Variants in LRRC4C observed in about 807,000 individuals in gnomAD.
The protein encoded by LRRC4C is leucine rich repeat containing 4C.
A neutral mutation model predicts 33.6 loss-of-function variants in LRRC4C; 5 were observed. That is an observed-to-expected ratio of 0.15 (90% CI 0.08 to 0.31). The LOEUF is 0.31. LRRC4C is among the 10% of genes least tolerant of loss of function. The probability of loss-of-function intolerance (pLI) is 1.00; values close to 1 mark genes in which losing one functional copy is unlikely to be tolerated. For synonymous variants in LRRC4C, 329 were observed against 302.0 expected (o/e 1.09, Z -0.93); for missense variants, 560 against 796.7 (o/e 0.70, Z 3.58).
chr11:41,135,113 T>C (rs565321662), intron 1 of LRRC4C, among the ~76,000 whole-genome samples: 29 of 152,194 alleles, frequency 1.9e-4, no homozygotes, highest in Admixed American at 3.3e-4. Context: ...CTCCTTAACA[T>C]TGACACATGG....
At chr11:41,396,200 G>T (rs1265753001) in intron 1 of LRRC4C, among the ~76,000 whole-genome samples, 4 of 151,894 alleles carry the variant, frequency 2.6e-5, no homozygotes, top group Non-Finnish European at 4.4e-5. Context: ...AGATATTGAA[G>T]AACAGAATAA....
At chr11:40,787,264 G>GT (rs889890671) in intron 2 of LRRC4C, among the ~76,000 whole-genome samples, 5 of 152,076 alleles carry the variant, frequency 3.3e-5, no homozygotes, top group African/African-American at 9.7e-5. Context: ...TGCCAACTGG[G>GT]GGGGGTAGGG....
chr11:40,761,515 G>A (rs2137074734), intron 2 of LRRC4C, among the ~76,000 whole-genome samples: 1 of 152,140 alleles, frequency 6.6e-6, no homozygotes, highest in East Asian at 1.9e-4. Context: ...GTCGAAATTG[G>A]TTACACATGG....
At chr11:40,654,728 A>G (rs1943006743) in intron 2 of LRRC4C, among the ~76,000 whole-genome samples, 1 of 152,158 alleles carries the variant, frequency 6.6e-6, no homozygotes, top group African/African-American at 2.4e-5. Context: ...TCTTAAGTTG[A>G]GGCCATGAGA....
chr11:40,545,894 C>T (rs539565391), intron 3 of LRRC4C, among the ~76,000 whole-genome samples: 2 of 152,114 alleles, frequency 1.3e-5, no homozygotes, highest in East Asian at 3.9e-4. Flanking sequence ...CTTGTCATTA[C>T]GTTCATCTGT....
At chr11:40,273,414 G>T (rs1483764179) in intron 4 of LRRC4C, among the ~76,000 whole-genome samples, 4 of 152,056 alleles carry the variant, frequency 2.6e-5, no homozygotes, top group African/African-American at 9.7e-5. Context: ...CTACCTTAAG[G>T]CAATGCTGCT....
chr11:40,973,893 A>G (rs561058453), intron 1 of LRRC4C, among the ~76,000 whole-genome samples: 1 of 152,172 alleles, frequency 6.6e-6, no homozygotes, highest in Admixed American at 6.5e-5. Flanking sequence ...CCCCGAGCCC[A>G]TTTCAGGATG....
chr11:40,642,931 G>A (rs1384832492), intron 3 of LRRC4C, among the ~76,000 whole-genome samples: 1 of 152,098 alleles, frequency 6.6e-6, no homozygotes, highest in African/African-American at 2.4e-5. Context: ...TCCACTTACA[G>A]AAGGATAAAA....
At chr11:40,743,281 T>G (rs545546873) in intron 2 of LRRC4C, among the ~76,000 whole-genome samples, 1 of 152,142 alleles carries the variant, frequency 6.6e-6, no homozygotes, top group African/African-American at 2.4e-5. Flanking sequence ...CTCATGTCAT[T>G]CTTAAAACAA....
intron 3 of LRRC4C, among the ~76,000 whole-genome samples, chr11:40,628,186 C>T (rs1221778177): frequency 6.6e-6 from 1 of 152,076 alleles, no homozygotes; most frequent in Non-Finnish European, 1.5e-5. Flanking sequence ...AGATTAAAAC[C>T]TAATTCATCG....
At chr11:40,254,101 C>A (rs910456336) in intron 4 of LRRC4C, among the ~76,000 whole-genome samples, 1 of 152,164 alleles carries the variant, frequency 6.6e-6, no homozygotes, top group Admixed American at 6.5e-5. Flanking sequence ...TGACCTTTCC[C>A]GTATCCTTGC....
chr11:41,255,963 T>C (rs1162294780), intron 1 of LRRC4C, among the ~76,000 whole-genome samples: 1 of 151,884 alleles, frequency 6.6e-6, no homozygotes, highest in Non-Finnish European at 1.5e-5. Flanking sequence ...ATATACCAAA[T>C]TGAAAGCTCA....
intron 6 of LRRC4C, among the ~76,000 whole-genome samples, chr11:40,130,876 A>AT (rs368182329): frequency 5.8e-4 from 88 of 151,534 alleles, no homozygotes; most frequent in Non-Finnish European, 7.2e-4. Flanking sequence ...ACCTACTCTG[A>AT]TTTTTTTTTA....
At chr11:41,191,744 G>C (rs1945958731) in intron 1 of LRRC4C, among the ~76,000 whole-genome samples, 1 of 152,102 alleles carries the variant, frequency 6.6e-6, no homozygotes, top group South Asian at 2.1e-4. Flanking sequence ...TCATCAAGCA[G>C]AGCAGTTCTA....
At chr11:40,387,705 A>T (rs1949165098) in intron 3 of LRRC4C, among the ~76,000 whole-genome samples, 1 of 152,192 alleles carries the variant, frequency 6.6e-6, no homozygotes, top group South Asian at 2.1e-4. Flanking sequence ...TCAGAAAAGG[A>T]TAGTGACTTT....
At chr11:40,456,778 G>A (rs963022523) in intron 3 of LRRC4C, among the ~76,000 whole-genome samples, 2 of 151,240 alleles carry the variant, frequency 1.3e-5, no homozygotes, top group Non-Finnish European at 2.9e-5. Context: ...TGGAAAGCTA[G>A]GAAGAGGACA....
chr11:40,293,289 AC>A (rs1442070076), intron 4 of LRRC4C: 1 of 146,234 alleles, frequency 6.8e-6, no homozygotes, highest in Non-Finnish European at 1.5e-5. Flanking sequence ...TCCCCCCGCT[AC>A]TTTTTTTTTT....
At chr11:41,140,508 A>G (rs1165449666) in intron 1 of LRRC4C, among the ~76,000 whole-genome samples, 3 of 141,878 alleles carry the variant, frequency 2.1e-5, no homozygotes, top group Non-Finnish European at 3.2e-5. Flanking sequence ...TTTTACCTAC[A>G]CTCAGCCTGA....
At chr11:40,589,432 A>G (rs2135720223) in intron 3 of LRRC4C, among the ~76,000 whole-genome samples, 1 of 152,190 alleles carries the variant, frequency 6.6e-6, no homozygotes, top group Admixed American at 6.5e-5. Flanking sequence ...TCTTTATCCA[A>G]TTTGGCAGTC....
Sources: gnomAD v4.1 joint callset for allele counts (sites outside exome capture counted in the v4.1 genomes callset) on GRCh38, gnomAD v4.1.1 for gene constraint, MANE v1.5 for transcripts, NCBI Gene and HGNC (gene_info 2026-07-23, HGNC 2026-07-21) for gene names.